DDX54: variants seen among roughly 807,000 people sequenced by gnomAD.
DDX54 encodes the protein DEAD-box helicase 54, also known as ATP-dependent RNA helicase DDX54.
Under a neutral mutation model 105.5 loss-of-function variants are expected in DDX54, and 67 were observed. The ratio of observed to expected loss-of-function variants is 0.64; its 90% CI spans 0.52 to 0.78. The LOEUF (loss-of-function observed/expected upper bound fraction) is 0.78, where lower values mean the gene tolerates loss of function less well. Among genes scored for constraint, DDX54 ranks in the 30% least tolerant of loss-of-function variants. The pLI is 0.00. For synonymous variants in DDX54, 514 were observed against 509.9 expected (o/e 1.01, Z -0.11); for missense variants, 1,206 against 1,230.5 (o/e 0.98, Z 0.30).
At chr12:113,180,055 C>T (rs1364129607) in intron 2 of DDX54, 50 bp from the exon 3 acceptor site, 1 of 1,572,630 alleles carries the variant, frequency 6.4e-7, no homozygotes, top group Admixed American at 1.7e-5. Flanking sequence ...CCCACAGCAC[C>T]AACCCCAGAG....
At chr12:113,161,214 C>A in intron 19 of DDX54, 56 bp downstream of exon 19, 24 of 1,451,230 alleles carry the variant, frequency 1.7e-5, no homozygotes, top group Non-Finnish European at 2.3e-5. Context: ...TTACCCTAAT[C>A]TGACCACAAC....
chr12:113,180,937 T>G lies in DDX54; in HGVS notation c.296A>C (p.Gln99Pro), dbSNP rs745654861. Residue 99 changes from glutamine (Q) to proline (P), a missense_variant, in exon 2 of 20, where the codon CAG becomes CCG. By Grantham distance (76) the Gln-to-Pro change is moderately conservative. This residue lies in a region of DDX54 where 212 missense variants were observed against 155.4 expected (regional missense o/e 1.36). Coordinates refer to ENST00000306014, the MANE Select transcript of DDX54 (RefSeq NM_024072.4). ...NKKKKKSGGFQSMGLSYPVFK... is the reference protein window; with the variant it reads ...NKKKKKSGGFPSMGLSYPVFK... ...TGCCAAGTTGCACCCACCCATGGACTGGAAGCCTCCAGACTTCTTCTTCTT... is the reference window on the plus strand; with the variant it reads ...TGCCAAGTTGCACCCACCCATGGACGGGAAGCCTCCAGACTTCTTCTTCTT... 3 of 1,613,674 alleles carry G rather than the reference T, an allele frequency of 1.9e-6. No individual in the cohort carries two copies. In the Admixed American group the frequency reaches 5.0e-5, roughly 27 times the overall value.
intron 1 of DDX54, 56 bp from the exon 2 acceptor site, chr12:113,181,114 G>T: frequency 6.4e-7 from 1 of 1,571,344 alleles, no homozygotes. Context: ...GACCACAGGG[G>T]GCAGGGAAGG....
chr12:113,161,879 G>C lies in DDX54; in HGVS notation c.2300+14C>G. The C allele has an allele frequency of 1.4e-6, 2 of 1,415,156 alleles. No individual in the cohort carries two copies. The highest frequency in any genetic ancestry group is 2.0e-4 in the Middle Eastern group (1 of 5,050). The allele number at this position is 1,415,156 out of a possible 1,614,324, so 87.7% of individuals were successfully genotyped here. A position where few individuals can be genotyped will look rare whatever the true frequency, so the allele number is the denominator to read the frequency against. On this transcript the variant is annotated intron_variant, in intron 18 of 19. Transcript: ENST00000306014. ...CTCGGCCCCGCCCCTCCCCAGCCAC[G>C]CCCCTCAGGATACAGGTCTCGCTTG...
At position 113,165,926 on chromosome 12, in the gene DDX54, G is replaced by T; in HGVS notation, c.1521C>A (p.Gly507=). The change falls in exon 13 of 20, where the codon GGC becomes GGA. Residue 507 remains glycine (G), a synonymous_variant. Transcript: ENST00000306014. The stretch of plus-strand genomic sequence containing the variant: ...GGGCGTTATCAGCAACGCGGGCCAG[G>T]CCCCGTAGCTCCAGCGATGCCTCCA... ...STLEASLELR[G]LARVADNAQQ... is the part of the protein sequence containing the mutation. 1 of 1,613,754 alleles carries T rather than the reference G, an allele frequency of 6.2e-7. No homozygotes were observed.
intron 10 of DDX54, 21 bp downstream of exon 10, chr12:113,174,619 C>G: frequency 6.2e-7 from 1 of 1,606,066 alleles, no homozygotes; most frequent in Admixed American, 1.7e-5. Flanking sequence ...AGGTGCTCCT[C>G]CCACTCAGGA....
intron 14 of DDX54, among the ~76,000 whole-genome samples, chr12:113,164,608 G>C (rs1386638342): frequency 6.6e-6 from 1 of 152,178 alleles, no homozygotes; most frequent in Non-Finnish European, 1.5e-5. Flanking sequence ...CAGCTACTTA[G>C]GAGGCTGAGG....
At chr12:113,179,809 G>T in intron 3 of DDX54, 126 bp downstream of exon 3, 1 of 1,145,844 alleles carries the variant, frequency 8.7e-7, no homozygotes, top group Non-Finnish European at 1.3e-6. Context: ...CGCTAGCTGG[G>T]GCTTCAGCAG....
At position 113,170,619 on chromosome 12, in the gene DDX54, A is replaced by G. The variant is rs972974074; in HGVS notation, c.1280-715T>C. ...ATGCCACAGCACTAGAGCCCAAGCAACAGAGTGAGATCCCGGCCCCCTGCT... is the reference window on the plus strand; with the variant it reads ...ATGCCACAGCACTAGAGCCCAAGCAGCAGAGTGAGATCCCGGCCCCCTGCT... On this transcript the variant is annotated intron_variant, in intron 11 of 19. Coordinates refer to ENST00000306014, the MANE Select transcript of DDX54 (RefSeq NM_024072.4). Among the ~76,000 whole-genome samples, 3 of 152,174 alleles carry G rather than the reference A, an allele frequency of 2.0e-5. 1 individual carries two copies. The highest frequency in any genetic ancestry group is 2.0e-4 in the Admixed American group (3 of 15,264).
At chr12:113,159,170 C>T (rs1194067000) in intron 19 of DDX54, 61 bp from the exon 20 acceptor site, 1 of 1,506,676 alleles carries the variant, frequency 6.6e-7, no homozygotes, top group Non-Finnish European at 8.9e-7. Flanking sequence ...TCCCCTCCTC[C>T]CAGAAGCTTG....
Position 113,157,543 on chromosome 12 carries a change from G to A in DDX54, c.*1334C>T. ...TTTCGGCCTCCCCCGCGTGTTGAGG[G>A]GTGGGGGCTGGACAGTGACTCTGGG... On this transcript the variant is annotated 3_prime_UTR_variant, in exon 20 of 20. Transcript: ENST00000306014. 7.0e-7 allele frequency: 1 copy of A among 1,426,838 alleles called. No individual in the cohort carries two copies. The highest frequency in any genetic ancestry group is 9.7e-7 in the Non-Finnish European group (1 of 1,034,222). 88.4% of individuals were successfully genotyped at this position (1,426,838 alleles called of 1,614,324 possible).
intron 12 of DDX54, among the ~76,000 whole-genome samples, chr12:113,167,632 C>G (rs893935265): frequency 6.6e-6 from 1 of 152,218 alleles, no homozygotes; most frequent in Non-Finnish European, 1.5e-5. Flanking sequence ...GGGTCAGGAG[C>G]CTGCCCTCTT....
intron 19 of DDX54, among the ~76,000 whole-genome samples, chr12:113,160,624 G>C (rs943700694): frequency 6.6e-6 from 1 of 152,084 alleles, no homozygotes; most frequent in Non-Finnish European, 1.5e-5. Flanking sequence ...GATCAAAGAG[G>C]TCCAAGTCCT....
chr12:113,172,365 G>A lies in DDX54; in HGVS notation c.1267C>T (p.Leu423=). 6.2e-7 allele frequency: 1 copy of A among 1,614,088 alleles called. No homozygotes were observed. Among genetic ancestry groups the A allele is most frequent in the Non-Finnish European group, 8.5e-7 (1 of 1,179,994 alleles). ...YSFPAKGKLF[L]HRVGRVARAG... The stretch of plus-strand genomic sequence containing the variant: ...ACGGGCTGCTTACCCACGCGGTGCA[G>A]GAAGAGTTTGCCCTTGGCGGGGAAG... Residue 423 remains leucine, a synonymous_variant, in exon 11 of 20, where the codon CTG becomes TTG. Coordinates refer to ENST00000306014, the MANE Select transcript of DDX54 (RefSeq NM_024072.4).
rs1348125095 is a variant in DDX54 at position 113,166,089 on chromosome 12, G to C, written c.1415-57C>G. The C allele has an allele frequency of 1.0e-5, 16 of 1,536,650 alleles. No homozygotes were observed. In the East Asian group the frequency reaches 3.4e-4, roughly 33 times the overall value. On this transcript the variant is annotated intron_variant, in intron 12 of 19. Transcript: ENST00000306014. Reference sequence around the variant, plus strand: ...TTTCAGCCTGGCCCGCCTGTCCACTGCCCGACCACCACTCTTGGGCCTCAC... The same window carrying C: ...TTTCAGCCTGGCCCGCCTGTCCACTCCCCGACCACCACTCTTGGGCCTCAC...
At chr12:113,172,775 G>A (rs544619973) in intron 10 of DDX54, among the ~76,000 whole-genome samples, 1 of 152,372 alleles carries the variant, frequency 6.6e-6, no homozygotes, top group East Asian at 1.9e-4. Context: ...CTGCAGGGTT[G>A]TCTGAGGATC....
At position 113,163,377 on chromosome 12, in the gene DDX54, C is replaced by G; in HGVS notation, c.1939-103G>C. 6.8e-7 allele frequency: 1 copy of G among 1,479,568 alleles called. No homozygotes were observed. The highest frequency in any genetic ancestry group is 9.0e-7 in the Non-Finnish European group (1 of 1,114,942). 91.7% of individuals were successfully genotyped at this position (1,479,568 alleles called of 1,614,324 possible). On this transcript the variant is annotated intron_variant, in intron 15 of 19. Transcript: ENST00000306014. The surrounding 1 kb of genome is among the most constrained non-coding windows in gnomAD (Gnocchi z 5.9). ...CCTGGCCACAGTGAGGGGCCAGTGG[C>G]TTCTCGGGGACTTTCAAAGCTTCAT...
chr12:113,183,325 G>A (rs1212940178), intron 1 of DDX54, among the ~76,000 whole-genome samples: 1 of 152,248 alleles, frequency 6.6e-6, no homozygotes, highest in Non-Finnish European at 1.5e-5. Flanking sequence ...ACTACACTTA[G>A]ACTCCTCTTC....
Position 113,180,825 on chromosome 12 carries a change from A to G in DDX54, c.304+104T>C, listed in dbSNP as rs111630346. ...CACATCTGCTACCCCGGTCTACCCA[A>G]CCACAGTGCTGGGCCCAGAGTGGAC... On this transcript the variant is annotated intron_variant, in intron 2 of 19. Coordinates refer to ENST00000306014, the MANE Select transcript of DDX54 (RefSeq NM_024072.4). 1,903 of 1,561,362 alleles carry G rather than the reference A, an allele frequency of 1.2e-3. 21 individuals carry two copies. In the African/African-American group the frequency reaches 0.022, roughly 18 times the overall value.
Sources: allele counts gnomAD v4.1 joint callset (sites outside exome capture counted in the v4.1 genomes callset), GRCh38; gene constraint gnomAD v4.1.1; regional missense constraint gnomAD v4.1.1; non-coding constraint Gnocchi (gnomAD v3.1); transcripts MANE v1.5; gene names NCBI Gene and HGNC (gene_info 2026-07-23, HGNC 2026-07-21).